KCNG4: variants seen among roughly 807,000 people sequenced by gnomAD.
The protein encoded by KCNG4 is potassium voltage-gated channel modifier subfamily G member 4.
Under a neutral mutation model 28.2 loss-of-function variants are expected in KCNG4, and 30 were observed. The observed-to-expected ratio is 1.06, with a 90% CI of 0.80 to 1.44. The LOEUF is 1.44. KCNG4 is among the 40% of genes most tolerant of loss of function. The pLI is 0.00. For missense variants in KCNG4, 879 were observed against 712.3 expected, an observed-to-expected ratio of 1.23 and a Z score of -2.66; for synonymous variants, 375 against 315.5, an observed-to-expected ratio of 1.19 and a Z score of -2.00.
Position 84,222,495 on chromosome 16 carries a change from T to C in KCNG4, c.1282A>G (p.Ser428Gly), listed in dbSNP as rs1482989023. The change falls in exon 3 of 3, where the codon AGT (serine) becomes GGT (glycine). Residue 428 changes from serine (S) to glycine (G), a missense_variant. Physicochemically the swap from Ser to Gly is moderately conservative, Grantham distance 56. Transcript: ENST00000308251. ...AGGGCCACCATCTGGCCTGGCACACTGCGGGGCACCATGTCCCCGTAGCCC... is the reference window on the plus strand; with the variant it reads ...AGGGCCACCATCTGGCCTGGCACACCGCGGGGCACCATGTCCCCGTAGCCC... Reference protein sequence around the residue: ...TVGYGDMVPRSVPGQMVALSS... With the variant: ...TVGYGDMVPRGVPGQMVALSS... The C allele has an allele frequency of 1.2e-6, 2 of 1,613,594 alleles. No individual in the cohort carries two copies. The highest frequency in any genetic ancestry group is 3.3e-5 in the Admixed American group (2 of 60,012).
At chr16:84,234,733 A>G (rs1177802805) in intron 2 of KCNG4, among the ~76,000 whole-genome samples, 1 of 152,196 alleles carries the variant, frequency 6.6e-6, no homozygotes, top group Non-Finnish European at 1.5e-5. Flanking sequence ...CTCAATGGGC[A>G]CTGCCTGTCC....
At chr16:84,230,784 A>G (rs1904809977) in intron 2 of KCNG4, among the ~76,000 whole-genome samples, 1 of 152,176 alleles carries the variant, frequency 6.6e-6, no homozygotes, top group Non-Finnish European at 1.5e-5. Flanking sequence ...CCCTCTGACA[A>G]TATCCCTGAA....
intron 1 of KCNG4, 91 bp downstream of exon 1, chr16:84,239,578 CT>C (rs1905051991): frequency 6.6e-6 from 1 of 152,244 alleles, no homozygotes; most frequent in South Asian, 2.1e-4. Context: ...CAAACCAGCA[CT>C]TTTGCCAAGG....
rs1437614825 is a variant in KCNG4, at chr16:84,219,817, T to A, written c.*2400A>T. 6.6e-6 allele frequency: 1 copy of A among 151,580 alleles called. No homozygotes were observed. Among genetic ancestry groups the A allele is most frequent in the Non-Finnish European group, 1.5e-5 (1 of 67,986 alleles). The allele number at this position is 151,580 out of a possible 1,614,324, so 9.4% of individuals were successfully genotyped here. ...ACTTTGGGAGGCCGAGGCAGGCGGA[T>A]CACCTGACATCAGGAGTTCAAGACC... On this transcript the variant is annotated 3_prime_UTR_variant, in exon 3 of 3. Transcript: ENST00000308251.
chr16:84,229,005 C>A (rs1904762962), intron 2 of KCNG4, among the ~76,000 whole-genome samples: 1 of 152,216 alleles, frequency 6.6e-6, no homozygotes, highest in South Asian at 2.1e-4. Context: ...TACTAGAAAG[C>A]AGCTGCCACT....
At chr16:84,232,597 C>A (rs1904851902) in intron 2 of KCNG4, among the ~76,000 whole-genome samples, 1 of 152,040 alleles carries the variant, frequency 6.6e-6, no homozygotes, top group Non-Finnish European at 1.5e-5. Context: ...TAAATGTCAA[C>A]TCAGAAAAAT....
In KCNG4 at chr16:84,219,237, T is replaced by C. The variant is rs1904499405; in HGVS notation, c.*2980A>G. The C allele has an allele frequency of 6.6e-6, 1 of 152,282 alleles. No individual in the cohort carries two copies. Among genetic ancestry groups the C allele is most frequent in the Non-Finnish European group, 1.5e-5 (1 of 68,094 alleles). The allele number at this position is 152,282 out of a possible 1,614,324, so 9.4% of individuals were successfully genotyped here. A position where few individuals can be genotyped will look rare whatever the true frequency, so the allele number is the denominator to read the frequency against. On this transcript the variant is annotated 3_prime_UTR_variant, in exon 3 of 3. Coordinates refer to ENST00000308251, the MANE Select transcript of KCNG4 (RefSeq NM_172347.3). ...CCGCAGGACAGTCCCTGAGCTTGCT[T>C]TGTGGAACCCAGGTCAGAAAACCAC...
At position 84,226,592 on chromosome 16, in the gene KCNG4, A is replaced by G. The variant is rs2151336999; in HGVS notation, c.757-3572T>C. ...AAAGAGAGGAAACAAGAATGGCAGA[A>G]TATTGGCTGGGCACAATGGCTCACG... On this transcript the variant is annotated intron_variant, in intron 2 of 2. Transcript: ENST00000308251. The surrounding 1 kb of genome is among the most constrained non-coding windows in gnomAD (Gnocchi z 4.1). Among the ~76,000 whole-genome samples, 1 of 152,050 alleles carries G rather than the reference A, an allele frequency of 6.6e-6. No homozygotes were observed. Among genetic ancestry groups the G allele is most frequent in the East Asian group, 1.9e-4 (1 of 5,180 alleles).
Position 84,237,156 on chromosome 16 carries a change from C to T in KCNG4, c.330G>A (p.Glu110=). The stretch of plus-strand genomic sequence containing the variant: ...CGCTGGGGCTCCTGTCGAAGAAGAA[C>T]TCCTGGCTGTCCTCGTCGTAATCAT... The part of the protein sequence containing the change: ...LCDDYDEDSQ[E]FFFDRSPSAF... The change falls in exon 2 of 3, where the codon GAG becomes GAA. Residue 110 remains glutamate (E), a synonymous_variant. Coordinates refer to ENST00000308251, the MANE Select transcript of KCNG4 (RefSeq NM_172347.3). 1 of 1,614,174 alleles carries T rather than the reference C, an allele frequency of 6.2e-7. No homozygotes were observed. Among genetic ancestry groups the T allele is most frequent in the Non-Finnish European group, 8.5e-7 (1 of 1,180,040 alleles).
rs1270167881 is a variant in KCNG4, at chr16:84,222,818, C to T, written c.959G>A (p.Gly320Asp). ...LAVSEEPPEDGERPSGSSYLE... is the reference protein window; with the variant it reads ...LAVSEEPPEDDERPSGSSYLE... Reference sequence around the variant, plus strand: ...GTAGGAGCTCCCGCTCGGCCTCTCGCCGTCCTCCGGGGGCTCCTCAGACAC... The same window carrying T: ...GTAGGAGCTCCCGCTCGGCCTCTCGTCGTCCTCCGGGGGCTCCTCAGACAC... The change falls in exon 3 of 3, where the codon GGC (glycine) becomes GAC (aspartate). Residue 320 changes from glycine to aspartate, a missense_variant. Coordinates refer to ENST00000308251, the MANE Select transcript of KCNG4 (RefSeq NM_172347.3). 1.9e-6 allele frequency: 3 copies of T among 1,609,896 alleles called. No homozygotes were observed. The highest frequency in any genetic ancestry group is 2.2e-5 in the East Asian group (1 of 44,722).
chr16:84,222,589 G>A lies in KCNG4; in HGVS notation c.1188C>T (p.Ser396=), dbSNP rs747060464. 3.9e-5 allele frequency: 63 copies of A among 1,613,168 alleles called. No homozygotes were observed. The highest frequency in any genetic ancestry group is 8.9e-5 in the East Asian group (4 of 44,882). The stretch of plus-strand genomic sequence containing the variant: ...TGCTGGTGAACTCCAGCACCCGCCC[G>A]GACTCCTTCTCGGCCACGTAGACCA... ...SPLVYVAEKE[S]GRVLEFTSIP... Residue 396 remains serine (S), a synonymous_variant, in exon 3 of 3, where the codon TCC becomes TCT. Transcript: ENST00000308251.
rs913080328 is a variant in KCNG4, at chr16:84,222,120, T to A, written c.*97A>T. 248 of 1,281,240 alleles carry A rather than the reference T, an allele frequency of 1.9e-4. 3 individuals are homozygous for A. The highest frequency in any genetic ancestry group is 3.0e-5 in the Non-Finnish European group (27 of 901,776). The allele number at this position is 1,281,240 out of a possible 1,614,324, so 79.4% of individuals were successfully genotyped here. ...AGCTTTGAAAGTCTTCCCTGGGCTC[T>A]AGAAACACCACCAGGTGGTCTATGC... On this transcript the variant is annotated 3_prime_UTR_variant, in exon 3 of 3. Transcript: ENST00000308251.
At chr16:84,233,563 G>A (rs1047758640) in intron 2 of KCNG4, among the ~76,000 whole-genome samples, 5 of 152,124 alleles carry the variant, frequency 3.3e-5, no homozygotes, top group Non-Finnish European at 5.9e-5. Flanking sequence ...AATTAGCTGG[G>A]TGTGGTGACA....
chr16:84,225,599 G>T (rs896755591), intron 2 of KCNG4, among the ~76,000 whole-genome samples: 2 of 152,222 alleles, frequency 1.3e-5, no homozygotes, highest in African/African-American at 4.8e-5. Context: ...GACATCCTGG[G>T]AGTTTCTCCC....
chr16:84,229,779 A>T (rs1344752534), intron 2 of KCNG4, among the ~76,000 whole-genome samples: 2 of 152,250 alleles, frequency 1.3e-5, no homozygotes, highest in Non-Finnish European at 2.9e-5. Context: ...AGGAGGCCCC[A>T]GGCCAGGAAA....
chr16:84,234,958 T>C (rs1904912347), intron 2 of KCNG4, among the ~76,000 whole-genome samples: 1 of 152,190 alleles, frequency 6.6e-6, no homozygotes, highest in Admixed American at 6.5e-5. Context: ...TCAGCCTGTC[T>C]CTGGGCACAC....
rs993816966 is a variant in KCNG4, at chr16:84,226,730, T to C, written c.757-3710A>G. On this transcript the variant is annotated intron_variant, in intron 2 of 2. Transcript: ENST00000308251. This position sits in a 1 kb window ranked among gnomAD's most constrained non-coding sequence, Gnocchi z 4.1. ...CTTGTCGCTACTAAAAATACAAAAATTAGCCAGGCATGGTGACACATGCCT... is the reference window on the plus strand; with the variant it reads ...CTTGTCGCTACTAAAAATACAAAAACTAGCCAGGCATGGTGACACATGCCT... Among the ~76,000 whole-genome samples the C allele has an allele frequency of 2.8e-5, 3 of 105,366 alleles. 1 individual carries two copies. The highest frequency in any genetic ancestry group is 9.9e-5 in the African/African-American group (3 of 30,416). 69.1% of individuals were successfully genotyped at this position (105,366 alleles called of 152,430 possible).
chr16:84,227,319 G>C (rs4782594), intron 2 of KCNG4, among the ~76,000 whole-genome samples: 17,022 of 152,304 alleles, frequency 0.11, 1,263 homozygotes, highest in African/African-American at 0.21. Context: ...GCTCACGCCT[G>C]TAATCCTGGC....
chr16:84,222,179 T>C lies in KCNG4; in HGVS notation c.*38A>G. 1 of 1,596,078 alleles carries C rather than the reference T, an allele frequency of 6.3e-7. No individual in the cohort carries two copies. Among genetic ancestry groups the C allele is most frequent in the Non-Finnish European group, 8.6e-7 (1 of 1,166,000 alleles). On this transcript the variant is annotated 3_prime_UTR_variant, in exon 3 of 3. Transcript: ENST00000308251. ...CTTGAGTGTGTTTCAGGCAGGGTGA[T>C]GGGTTGAGGTTACCATGTAGTCATG...
Sources: allele counts gnomAD v4.1 joint callset (sites outside exome capture counted in the v4.1 genomes callset), GRCh38; gene constraint gnomAD v4.1.1; non-coding constraint Gnocchi (gnomAD v3.1); transcripts MANE v1.5; gene names NCBI Gene and HGNC (gene_info 2026-07-23, HGNC 2026-07-21).